C8orf34: variants seen among roughly 807,000 people sequenced by gnomAD.
C8orf34 encodes chromosome 8 open reading frame 34.
C8orf34 carries 65 observed loss-of-function variants against 68.3 expected under a neutral mutation model. The observed-to-expected ratio is 0.95, with a 90% CI of 0.78 to 1.17. The LOEUF is 1.17. C8orf34 is among the 50% of genes most tolerant of loss of function. The pLI, the probability that C8orf34 is intolerant of heterozygous loss-of-function variation, is 0.00. For missense variants in C8orf34, 664 were observed against 655.4 expected, an observed-to-expected ratio of 1.01 and a Z score of -0.14; for synonymous variants, 244 against 241.2, an observed-to-expected ratio of 1.01 and a Z score of -0.11.
intron 5 of C8orf34, among the ~76,000 whole-genome samples, chr8:68,488,921 C>T (rs1813191024): frequency 6.6e-6 from 1 of 151,654 alleles, no homozygotes; most frequent in African/African-American, 2.4e-5. Flanking sequence ...ATATTAGATT[C>T]TTGTGTTGAT....
In C8orf34 at chr8:68,331,017, GT is replaced by G. The variant is rs1030287620; in HGVS notation, c.7del (p.Ser3LeufsTer109). 6 of 1,440,278 alleles carry G rather than the reference GT, an allele frequency of 4.2e-6. No homozygotes were observed. The highest frequency in any genetic ancestry group is 5.4e-6 in the Non-Finnish European group (6 of 1,110,102). The allele number at this position is 1,440,278 out of a possible 1,614,324, so 89.2% of individuals were successfully genotyped here. A position where few individuals can be genotyped will look rare whatever the true frequency, so the allele number is the denominator to read the frequency against. On this transcript the variant is annotated frameshift_variant, in exon 1 of 14. Transcript: ENST00000518698. LOFTEE classifies it high-confidence loss of function. Reference protein sequence around the residue: MSSPLASELSEL... With the variant: MXSPLASELSEL... ...GCGAGGCGGAGAACGCGATGAATGA[GT>G]TCTCCCCTCGCCTCGGAGTTGTCTG...
At chr8:68,454,801 C>T (rs938933116) in intron 3 of C8orf34, among the ~76,000 whole-genome samples, 4 of 151,852 alleles carry the variant, frequency 2.6e-5, no homozygotes, top group Admixed American at 6.6e-5. Context: ...GGGTTTATTA[C>T]GCTCTTCTTT....
chr8:68,347,210 G>A (rs977363875), intron 1 of C8orf34, among the ~76,000 whole-genome samples: 6 of 151,916 alleles, frequency 3.9e-5, no homozygotes, highest in African/African-American at 1.4e-4. Flanking sequence ...GAGAACATGT[G>A]GTATTTGGTT....
intron 1 of C8orf34, among the ~76,000 whole-genome samples, chr8:68,360,452 A>G (rs1434950744): frequency 6.6e-6 from 1 of 152,234 alleles, no homozygotes; most frequent in Non-Finnish European, 1.5e-5. Context: ...CAAAATGCAG[A>G]GTTCATGTAA....
At chr8:68,814,851 A>T (rs1824761456) in intron 12 of C8orf34, among the ~76,000 whole-genome samples, 1 of 152,222 alleles carries the variant, frequency 6.6e-6, no homozygotes, top group Non-Finnish European at 1.5e-5. Flanking sequence ...GGATTTTTAA[A>T]AGTGATTGTT....
intron 2 of C8orf34, among the ~76,000 whole-genome samples, chr8:68,440,362 T>C (rs893149578): frequency 1.3e-5 from 2 of 152,196 alleles, no homozygotes; most frequent in African/African-American, 4.8e-5. Flanking sequence ...GCATTATCAC[T>C]TCTCTCCACC....
At chr8:68,527,787 A>G (rs901398049) in intron 6 of C8orf34, among the ~76,000 whole-genome samples, 1 of 152,132 alleles carries the variant, frequency 6.6e-6, no homozygotes, top group African/African-American at 2.4e-5. Context: ...GGGGCCTCGG[A>G]ACCCTAAGTG....
chr8:68,792,873 GTA>G (rs1824050595), intron 12 of C8orf34, among the ~76,000 whole-genome samples: 1 of 151,868 alleles, frequency 6.6e-6, no homozygotes, highest in Non-Finnish European at 1.5e-5. Context: ...ATATGTGTGT[GTA>G]TGAGTGTGTG....
At chr8:68,507,717 G>T (rs1315827761) in intron 5 of C8orf34, among the ~76,000 whole-genome samples, 3 of 152,212 alleles carry the variant, frequency 2.0e-5, no homozygotes, top group African/African-American at 7.2e-5. Context: ...TGGGGGCCCA[G>T]AGGGCTTTTT....
intron 9 of C8orf34, 75 bp from the exon 10 acceptor site, chr8:68,721,286 C>T: frequency 2.1e-6 from 2 of 945,200 alleles, no homozygotes; most frequent in East Asian, 2.7e-5. Context: ...ATTCTTCTCA[C>T]AACAGGTTTA....
At chr8:68,771,919 A>G (rs918663252) in intron 10 of C8orf34, among the ~76,000 whole-genome samples, 2 of 152,184 alleles carry the variant, frequency 1.3e-5, no homozygotes, top group African/African-American at 4.8e-5. Context: ...TATAGTAGTA[A>G]TTAACTCTTG....
intron 1 of C8orf34, among the ~76,000 whole-genome samples, chr8:68,421,985 C>T (rs780928698): frequency 2.6e-5 from 4 of 152,104 alleles, no homozygotes; most frequent in Non-Finnish European, 5.9e-5. Context: ...ATCATGAAAA[C>T]AGAATGCAGG....
chr8:68,332,829 CA>C (rs1201481266), intron 1 of C8orf34, among the ~76,000 whole-genome samples: 1 of 152,136 alleles, frequency 6.6e-6, no homozygotes, highest in Non-Finnish European at 1.5e-5. Flanking sequence ...TTAACAAAGG[CA>C]ATCCATGCAA....
In C8orf34 at chr8:68,739,234, T is replaced by C. The variant is rs141089008; in HGVS notation, c.1404+17797T>C. ...GATACAGAAAAGGCTTTCAATAAAA[T>C]TCAACACCCCTTTATGTTAAAAACT... On this transcript the variant is annotated intron_variant, in intron 10 of 13. Coordinates refer to ENST00000518698, the MANE Select transcript of C8orf34 (RefSeq NM_052958.4). Among the ~76,000 whole-genome samples, 870 of 152,180 alleles carry C rather than the reference T, an allele frequency of 5.7e-3. 9 individuals carry two copies. Among genetic ancestry groups the C allele is most frequent in the African/African-American group, 0.02 (821 of 41,514 alleles).
At chr8:68,361,188 C>T (rs182076958) in intron 1 of C8orf34, among the ~76,000 whole-genome samples, 92 of 152,240 alleles carry the variant, frequency 6.0e-4, no homozygotes, top group African/African-American at 2.0e-3. Flanking sequence ...AAGAAGGTTT[C>T]GGTAGAATAT....
At chr8:68,437,033 T>C (rs1247147747) in intron 1 of C8orf34, among the ~76,000 whole-genome samples, 3 of 152,160 alleles carry the variant, frequency 2.0e-5, no homozygotes, top group Non-Finnish European at 4.4e-5. Flanking sequence ...AAAACTAGAC[T>C]CTTGTCCAAC....
intron 9 of C8orf34, among the ~76,000 whole-genome samples, chr8:68,715,730 G>A (rs1367189320): frequency 1.3e-5 from 2 of 151,848 alleles, no homozygotes; most frequent in Non-Finnish European, 2.9e-5. Flanking sequence ...ATGTAAACCA[G>A]TACAACCACT....
intron 8 of C8orf34, among the ~76,000 whole-genome samples, chr8:68,668,789 T>C (rs1444779057): frequency 6.6e-6 from 1 of 152,128 alleles, no homozygotes; most frequent in East Asian, 1.9e-4. Context: ...ATTACTGGCT[T>C]TGAAGATGGA....
intron 1 of C8orf34, among the ~76,000 whole-genome samples, chr8:68,412,313 G>A (rs956337795): frequency 1.3e-5 from 2 of 152,110 alleles, no homozygotes; most frequent in Non-Finnish European, 2.9e-5. Flanking sequence ...TTAATGTAAT[G>A]TTTTATAATT....
Sources: gnomAD v4.1 joint callset for allele counts (sites outside exome capture counted in the v4.1 genomes callset) on GRCh38, gnomAD v4.1.1 for gene constraint, MANE v1.5 for transcripts, NCBI Gene and HGNC (gene_info 2026-07-23, HGNC 2026-07-21) for gene names.